Variants in HACE1 observed in about 807,000 individuals in gnomAD.
The protein encoded by HACE1 is E3 ubiquitin-protein ligase HACE1.
HACE1 carries 73 observed loss-of-function variants against 118.4 expected under a neutral mutation model. The ratio of observed to expected loss-of-function variants is 0.62; its 90% confidence interval spans 0.51 to 0.75. HACE1 has a LOEUF of 0.75. Among genes scored for constraint, HACE1 ranks in the 30% least tolerant of loss-of-function variants. The probability of loss-of-function intolerance (pLI) is 0.00; values close to 1 mark genes in which losing one functional copy is unlikely to be tolerated. For missense variants in HACE1, 749 were observed against 1,102.2 expected, an observed-to-expected ratio of 0.68 and a Z score of 4.54; for synonymous variants, 368 against 374.8, an observed-to-expected ratio of 0.98 and a Z score of 0.21.
At chr6:104,739,004 G>A (rs541654318) in intron 22 of HACE1, among the ~76,000 whole-genome samples, 388 of 145,998 alleles carry the variant, frequency 2.7e-3, no homozygotes, top group South Asian at 0.01. Context: ...AAAGAGTGGG[G>A]GCCAATATTC....
intron 5 of HACE1, among the ~76,000 whole-genome samples, chr6:104,840,339 T>C (rs747231078): frequency 4.6e-5 from 7 of 152,168 alleles, no homozygotes; most frequent in Non-Finnish European, 8.8e-5. Context: ...ATGATCTAAC[T>C]AAAATTACAA....
rs1458180119 is a variant in HACE1, at chr6:104,796,982, C to A, written c.661G>T (p.Ala221Ser). ...CCATTTTTATCTGGCAGATATTTGG[C>A]TCCTCGTAATAGTAGGATCTGTGCT... ...DTAQILLLRG[A>S]KYLPDKNGVT... The change falls in exon 8 of 24, where the codon GCC becomes TCC. Residue 221 changes from alanine (A) to serine (S), a missense_variant. Coordinates refer to ENST00000262903, the MANE Select transcript of HACE1 (RefSeq NM_020771.4). The A allele has an allele frequency of 1.2e-6, 2 of 1,604,706 alleles. No individual in the cohort carries two copies. Among genetic ancestry groups the A allele is most frequent in the Admixed American group, 1.7e-5 (1 of 59,992 alleles).
intron 19 of HACE1, among the ~76,000 whole-genome samples, chr6:104,760,263 C>G (rs969208594): frequency 1.2e-4 from 19 of 152,126 alleles, no homozygotes; most frequent in Non-Finnish European, 2.6e-4. Context: ...AATTTTAGAC[C>G]AATATCCCTG....
intron 22 of HACE1, chr6:104,731,859 AATTC>A (rs1178046849): frequency 7.6e-5 from 10 of 132,378 alleles, no homozygotes; most frequent in African/African-American, 3.2e-4. Flanking sequence ...ACATACAAAG[AATTC>A]CCATAGAAAA....
chr6:104,778,956 G>C (rs977252594), intron 14 of HACE1, among the ~76,000 whole-genome samples: 8 of 152,192 alleles, frequency 5.3e-5, no homozygotes, highest in Non-Finnish European at 1.0e-4. Flanking sequence ...TGTATCGTGA[G>C]TTTAAAGATA....
chr6:104,796,710 C>G lies in HACE1; in HGVS notation c.761G>C (p.Arg254Thr). Residue 254 changes from arginine (R) to threonine (T), a missense_variant, in exon 9 of 24, where the codon AGG becomes ACG. Transcript: ENST00000262903. Reference protein sequence around the residue: ...TCEVLIQYHPRLFQTIIQMTQ... With the variant: ...TCEVLIQYHPTLFQTIIQMTQ... ...CATTTGAATAATAGTCTGAAAAAGC[C>G]TCGGGTGATATTGAATTAATACTTC... is the stretch of plus-strand genomic sequence containing the variant. 6.3e-7 allele frequency: 1 copy of G among 1,595,662 alleles called. No homozygotes were observed. Among genetic ancestry groups the G allele is most frequent in the African/African-American group, 1.3e-5 (1 of 74,520 alleles).
intron 14 of HACE1, among the ~76,000 whole-genome samples, chr6:104,782,028 TTTTAA>T (rs1170108587): frequency 1.3e-5 from 2 of 152,016 alleles, no homozygotes; most frequent in Non-Finnish European, 2.9e-5. Context: ...GTTTTTGCTA[TTTTAA>T]TTTGACAATT....
At chr6:104,854,308 T>C (rs779233321) in intron 1 of HACE1, among the ~76,000 whole-genome samples, 1 of 152,112 alleles carries the variant, frequency 6.6e-6, no homozygotes, top group African/African-American at 2.4e-5. Flanking sequence ...GTAAATGACA[T>C]TAGTGGGAAA....
In HACE1 at chr6:104,796,987, C is replaced by T. The variant is rs776071702; in HGVS notation, c.656G>A (p.Arg219Gln). 3.7e-6 allele frequency: 6 copies of T among 1,601,794 alleles called. No individual in the cohort carries two copies. In the East Asian group the frequency reaches 8.9e-5, roughly 24 times the overall value. The change falls in exon 8 of 24, where the codon CGA becomes CAA. Residue 219 changes from arginine to glutamine, a missense_variant. By Grantham distance (43) the Arg-to-Gln change is conservative. This residue lies in a region of HACE1 where 267 missense variants were observed against 312.2 expected (regional missense o/e 0.86). Coordinates refer to ENST00000262903, the MANE Select transcript of HACE1 (RefSeq NM_020771.4). The stretch of plus-strand genomic sequence containing the variant: ...TTTATCTGGCAGATATTTGGCTCCT[C>T]GTAATAGTAGGATCTGTGCTGTATC... Reference protein sequence around the residue: ...QRDTAQILLLRGAKYLPDKNG... With the variant: ...QRDTAQILLLQGAKYLPDKNG...
intron 1 of HACE1, 32 bp downstream of exon 1, chr6:104,859,535 C>G (rs1283867932): frequency 6.7e-7 from 1 of 1,484,396 alleles, no homozygotes; most frequent in African/African-American, 1.5e-5. Context: ...CCCCCAGCCC[C>G]GCGGCCAGCC....
At chr6:104,767,887 T>C (rs887761487) in intron 19 of HACE1, among the ~76,000 whole-genome samples, 3 of 152,130 alleles carry the variant, frequency 2.0e-5, no homozygotes, top group Non-Finnish European at 4.4e-5. Context: ...ACCTGCCCCA[T>C]CTTACTCTTA....
intron 4 of HACE1, among the ~76,000 whole-genome samples, chr6:104,844,299 T>G (rs1775414775): frequency 6.6e-6 from 1 of 151,478 alleles, no homozygotes; most frequent in Admixed American, 6.6e-5. Context: ...TCTCCCAAAG[T>G]GCAGGGATTA....
At chr6:104,778,493 G>C (rs1001565141) in intron 14 of HACE1, among the ~76,000 whole-genome samples, 1 of 152,026 alleles carries the variant, frequency 6.6e-6, no homozygotes, top group Non-Finnish European at 1.5e-5. Flanking sequence ...CTTTGAATAA[G>C]CATTAAAAGT....
At chr6:104,781,586 C>T (rs1582439262) in intron 14 of HACE1, among the ~76,000 whole-genome samples, 2 of 152,262 alleles carry the variant, frequency 1.3e-5, no homozygotes, top group African/African-American at 4.8e-5. Flanking sequence ...TCTCCAACAA[C>T]GAGAAGTTAG....
At position 104,849,893 on chromosome 6, in the gene HACE1, G is replaced by A. The variant is rs569047816; in HGVS notation, c.222-647C>T. On this transcript the variant is annotated intron_variant, in intron 3 of 23. Coordinates refer to ENST00000262903, the MANE Select transcript of HACE1 (RefSeq NM_020771.4). ...TCTCAATCTCCTGACCTCAAGATCCGCCCGCCTCGGCCTCCCAAAGTGCTA... is the reference window on the plus strand; with the variant it reads ...TCTCAATCTCCTGACCTCAAGATCCACCCGCCTCGGCCTCCCAAAGTGCTA... Among the ~76,000 whole-genome samples, 6 of 144,372 alleles carry A rather than the reference G, an allele frequency of 4.2e-5. No individual in the cohort carries two copies. The South Asian group carries it at 1.1e-3, about 27-fold the overall frequency. 94.7% of individuals were successfully genotyped at this position (144,372 alleles called of 152,430 possible). A position where few individuals can be genotyped will look rare whatever the true frequency, so the allele number is the denominator to read the frequency against.
rs1774884354 is a variant in HACE1 at position 104,728,556 on chromosome 6, A to G, written c.*1106T>C. ...AATGACTGCTTATGAGAAAATCTGC[A>G]TATGTCATTCTACAAACAGTAATGT... On this transcript the variant is annotated 3_prime_UTR_variant, in exon 24 of 24. Coordinates refer to ENST00000262903, the MANE Select transcript of HACE1 (RefSeq NM_020771.4). The G allele has an allele frequency of 6.6e-6, 1 of 152,208 alleles. No homozygotes were observed. The highest frequency in any genetic ancestry group is 2.4e-5 in the African/African-American group (1 of 41,452). The allele number at this position is 152,208 out of a possible 1,614,324, so 9.4% of individuals were successfully genotyped here. A position where few individuals can be genotyped will look rare whatever the true frequency, so the allele number is the denominator to read the frequency against.
chr6:104,729,758 GT>G lies in HACE1; in HGVS notation c.2633del (p.Asn878ThrfsTer62). On this transcript the variant is annotated frameshift_variant, in exon 24 of 24. Coordinates refer to ENST00000262903, the MANE Select transcript of HACE1 (RefSeq NM_020771.4). LOFTEE classifies it high-confidence loss of function. ...TTGGGTATTCAGGTAACTTGAGCAT[GT>G]TGATGCTTTAAAAGAAAAATATACC... ...NLLPTSSTCI[N>X]MLKLPEYPSK... is the part of the protein sequence containing the mutation. 6.9e-7 allele frequency: 1 copy of G among 1,450,016 alleles called. No individual in the cohort carries two copies. Among genetic ancestry groups the G allele is most frequent in the Non-Finnish European group, 9.7e-7 (1 of 1,031,580 alleles). 89.8% of individuals were successfully genotyped at this position (1,450,016 alleles called of 1,614,324 possible).
intron 2 of HACE1, 95 bp from the exon 3 acceptor site, chr6:104,851,091 G>T: frequency 1.3e-6 from 1 of 776,990 alleles, no homozygotes; most frequent in Non-Finnish European, 2.3e-6. Flanking sequence ...CTGTTTGTTT[G>T]TTTGTTTGTT....
At chr6:104,772,424 TAC>T (rs1172425538) in intron 17 of HACE1, among the ~76,000 whole-genome samples, 2 of 152,064 alleles carry the variant, frequency 1.3e-5, no homozygotes, top group Admixed American at 6.6e-5. Context: ...CACGCACATA[TAC>T]ACAGTTTCCT....
Sources: gnomAD v4.1 joint callset for allele counts (sites outside exome capture counted in the v4.1 genomes callset) on GRCh38, gnomAD v4.1.1 for gene constraint, gnomAD v4.1.1 regional missense constraint, MANE v1.5 for transcripts, NCBI Gene and HGNC (gene_info 2026-07-23, HGNC 2026-07-21) for gene names.